COG5: variants seen among roughly 807,000 people sequenced by gnomAD.
COG5 encodes conserved oligomeric Golgi complex subunit 5.
A neutral mutation model predicts 110.4 loss-of-function variants in COG5; 86 were observed. The ratio of observed to expected loss-of-function variants is 0.78; its 90% confidence interval spans 0.65 to 0.93. The LOEUF is 0.93. Ranked by LOEUF, COG5 falls within the 40% of genes least tolerant of loss-of-function variation. COG5 has a pLI of 0.00. For synonymous variants in COG5, 360 were observed against 334.6 expected, an observed-to-expected ratio of 1.08 and a Z score of -0.83; for missense variants, 1,077 against 987.0, an observed-to-expected ratio of 1.09 and a Z score of -1.22.
intron 10 of COG5, among the ~76,000 whole-genome samples, chr7:107,349,805 G>A (rs1392174386): frequency 6.6e-6 from 1 of 152,118 alleles, no homozygotes; most frequent in Non-Finnish European, 1.5e-5. Flanking sequence ...TGATCTGCCC[G>A]CCTTAGCCTC....
intron 10 of COG5, among the ~76,000 whole-genome samples, chr7:107,332,006 G>A (rs1291035579): frequency 2.6e-5 from 4 of 151,834 alleles, no homozygotes; most frequent in Non-Finnish European, 2.9e-5. Context: ...CTGCTACCAC[G>A]CCCAGATAAT....
Position 107,474,369 on chromosome 7 carries a change from T to G in COG5, c.538+52868A>C, listed in dbSNP as rs1203109413. On this transcript the variant is annotated intron_variant, in intron 6 of 21. Coordinates refer to ENST00000297135, the MANE Select transcript of COG5 (RefSeq NM_006348.5). The surrounding 1 kb of genome is among the most constrained non-coding windows in gnomAD (Gnocchi z 5.7). ...GTATTCCTCTAACTATAGTTATCCT[T>G]CTGCTTTCACTGGAGAGTAACACTG... 1 of 1,612,704 alleles carries G rather than the reference T, an allele frequency of 6.2e-7. No individual in the cohort carries two copies. The highest frequency in any genetic ancestry group is 8.5e-7 in the Non-Finnish European group (1 of 1,178,984).
intron 6 of COG5, among the ~76,000 whole-genome samples, chr7:107,429,724 T>C (rs1457776920): frequency 1.3e-5 from 2 of 152,180 alleles, no homozygotes; most frequent in African/African-American, 4.8e-5. Flanking sequence ...GGGTCTTTCC[T>C]GTGACAATGA....
At chr7:107,352,950 TC>T (rs1157985548) in intron 10 of COG5, among the ~76,000 whole-genome samples, 1 of 152,090 alleles carries the variant, frequency 6.6e-6, no homozygotes, top group East Asian at 1.9e-4. Context: ...TAATAATTTG[TC>T]AATAATTTGC....
chr7:107,244,635 T>C (rs1478468112), intron 17 of COG5, among the ~76,000 whole-genome samples: 3 of 151,876 alleles, frequency 2.0e-5, no homozygotes, highest in African/African-American at 4.8e-5. Context: ...AAGAAAATGT[T>C]ACTACTGACC....
intron 10 of COG5, among the ~76,000 whole-genome samples, chr7:107,349,770 G>C (rs1249477899): frequency 6.6e-6 from 1 of 152,180 alleles, no homozygotes; most frequent in Non-Finnish European, 1.5e-5. Flanking sequence ...GTGTTAGACA[G>C]GATGGTCTCG....
chr7:107,412,387 C>T (rs970215746), intron 7 of COG5, 115 bp downstream of exon 7: 4 of 936,802 alleles, frequency 4.3e-6, no homozygotes, highest in Non-Finnish European at 1.7e-6. Context: ...TGTAGACATA[C>T]TTTCTCAGTG....
chr7:107,428,645 A>T (rs572390840), intron 6 of COG5, among the ~76,000 whole-genome samples: 4 of 152,242 alleles, frequency 2.6e-5, no homozygotes, highest in African/African-American at 9.6e-5. Flanking sequence ...CAGTTTGAGT[A>T]ATGTGCTGCA....
intron 7 of COG5, among the ~76,000 whole-genome samples, chr7:107,400,107 T>G (rs1791314924): frequency 6.6e-6 from 1 of 152,218 alleles, no homozygotes; most frequent in African/African-American, 2.4e-5. Context: ...CTAAGACTTG[T>G]ACTTGAGTGT....
At position 107,464,366 on chromosome 7, in the gene COG5, C is replaced by T. The variant is rs568194721; in HGVS notation, c.539-51734G>A. On this transcript the variant is annotated intron_variant, in intron 6 of 21. Coordinates refer to ENST00000297135, the MANE Select transcript of COG5 (RefSeq NM_006348.5). ...GTTGATATAATAATAATTTTTCCTC[C>T]TCCAGCCTAGAGAGTGAGCAATAAC... 3.3e-5 allele frequency among the ~76,000 whole-genome samples: 5 copies of T among 152,268 alleles called. No individual in the cohort carries two copies. The East Asian group carries it at 9.7e-4, about 29-fold the overall frequency.
intron 10 of COG5, among the ~76,000 whole-genome samples, chr7:107,352,796 T>C (rs1331600346): frequency 1.3e-5 from 2 of 152,172 alleles, no homozygotes; most frequent in African/African-American, 2.4e-5. Context: ...ATGCATCCTA[T>C]ACACATGATT....
At chr7:107,433,653 A>T (rs1794173676) in intron 6 of COG5, among the ~76,000 whole-genome samples, 1 of 152,214 alleles carries the variant, frequency 6.6e-6, no homozygotes, top group Non-Finnish European at 1.5e-5. Flanking sequence ...CCATTACCTT[A>T]GCTATACGCA....
chr7:107,476,969 T>C (rs1440740314), intron 6 of COG5, among the ~76,000 whole-genome samples: 1 of 151,690 alleles, frequency 6.6e-6, no homozygotes, highest in African/African-American at 2.4e-5. Context: ...CTGATAATAA[T>C]GTTAACATAA....
At chr7:107,385,805 C>CTTTTTTTTTTTTTTTTTTTT (rs57758483) in intron 7 of COG5, among the ~76,000 whole-genome samples, 1 of 122,332 alleles carries the variant, frequency 8.2e-6, no homozygotes, top group Non-Finnish European at 1.8e-5. Flanking sequence ...TTGTTATTTT[C>CTTTTTTTTTTTTTTTTTTTT]TTTTTTTTTT....
Position 107,474,493 on chromosome 7 carries a change from G to A in COG5, c.538+52744C>T. On this transcript the variant is annotated intron_variant, in intron 6 of 21. Transcript: ENST00000297135. This position sits in a 1 kb window ranked among gnomAD's most constrained non-coding sequence, Gnocchi z 5.7. Reference sequence around the variant, plus strand: ...CACTTTGGACAGATATGACATCTCTGTAAAACCTGCAAACCGAATTCTGAC... The same window carrying A: ...CACTTTGGACAGATATGACATCTCTATAAAACCTGCAAACCGAATTCTGAC... 1 of 1,613,184 alleles carries A rather than the reference G, an allele frequency of 6.2e-7. No homozygotes were observed. The highest frequency in any genetic ancestry group is 8.5e-7 in the Non-Finnish European group (1 of 1,179,464).
intron 6 of COG5, among the ~76,000 whole-genome samples, chr7:107,431,955 CAAT>C (rs1794054483): frequency 1.3e-5 from 2 of 152,144 alleles, no homozygotes; most frequent in African/African-American, 2.4e-5. Context: ...GCCCAATCAA[CAAT>C]GACTTTTAAA....
At chr7:107,563,642 G>C in intron 1 of COG5, 161 bp downstream of exon 1, 1 of 773,672 alleles carries the variant, frequency 1.3e-6, no homozygotes, top group Non-Finnish European at 2.3e-6. Context: ...TAAATAGGTT[G>C]GCTAGAACAG....
chr7:107,323,755 C>T lies in COG5; in HGVS notation c.1108+685G>A, dbSNP rs114499186. ...CAGTGGCTAAATAATATTTAGCATA[C>T]AGTAAGTCCTTCTAGTAAATGCTTG... On this transcript the variant is annotated intron_variant, in intron 11 of 21. Transcript: ENST00000297135. Among the ~76,000 whole-genome samples the T allele has an allele frequency of 4.4e-3, 667 of 151,978 alleles. 6 individuals are homozygous for T. The highest frequency in any genetic ancestry group is 0.016 in the African/African-American group (652 of 41,456).
At position 107,532,561 on chromosome 7, in the gene COG5, T is replaced by A. The variant is rs183357781; in HGVS notation, c.418-5204A>T. On this transcript the variant is annotated intron_variant, in intron 5 of 21. Transcript: ENST00000297135. ...TATATACACACAAATATAAGGTATA[T>A]ACTATTTTTAAATGACATTAAAGAA... 2.6e-5 allele frequency among the ~76,000 whole-genome samples: 4 copies of A among 152,280 alleles called. No individual in the cohort carries two copies. The East Asian group carries it at 5.8e-4, about 22-fold the overall frequency.
Sources: gnomAD v4.1 joint callset for allele counts (sites outside exome capture counted in the v4.1 genomes callset) on GRCh38, gnomAD v4.1.1 for gene constraint, Gnocchi (gnomAD v3.1) non-coding constraint, MANE v1.5 for transcripts, NCBI Gene and HGNC (gene_info 2026-07-23, HGNC 2026-07-21) for gene names.